The following STOM variants were observed in gnomAD, a reference collection of about 807,000 sequenced individuals.
STOM encodes stomatin.
In STOM, 25 loss-of-function variants were observed where a neutral mutation model predicts 30.6. The observed-to-expected ratio is 0.82, with a 90% CI of 0.60 to 1.14. The LOEUF is 1.14. Ranked by LOEUF, STOM falls within the 50% of genes most tolerant of loss-of-function variation. STOM has a pLI of 0.00. For missense variants in STOM, 292 were observed against 365.2 expected (o/e 0.80, Z 1.63); for synonymous variants, 118 against 130.8 (o/e 0.90, Z 0.67).
At chr9:121,341,586 A>T (rs932821818) in intron 6 of STOM, among the ~76,000 whole-genome samples, 178 bp from the exon 7 acceptor site, 1 of 152,234 alleles carries the variant, frequency 6.6e-6, no homozygotes, top group African/African-American at 2.4e-5. Context: ...TCTTTTTCTG[A>T]AACTGACTTG....
intron 1 of STOM, among the ~76,000 whole-genome samples, chr9:121,367,117 T>C (rs1194073116): frequency 1.3e-5 from 2 of 152,046 alleles, no homozygotes; most frequent in Non-Finnish European, 2.9e-5. Context: ...AGGGGACAGA[T>C]GAGTCAAACT....
chr9:121,353,776 A>G lies in STOM; in HGVS notation c.239-474T>C, dbSNP rs535313927. Among the ~76,000 whole-genome samples the G allele has an allele frequency of 3.3e-5, 5 of 152,170 alleles. No individual in the cohort carries two copies. The South Asian group carries it at 8.3e-4, about 25-fold the overall frequency. ...CTACTTGCAGTTTCTTGAATCTGCA[A>G]TACTCTCCTCTTTGTTGCTTTGTGT... On this transcript the variant is annotated intron_variant, in intron 3 of 6. Transcript: ENST00000286713.
intron 6 of STOM, among the ~76,000 whole-genome samples, chr9:121,342,908 T>C (rs1311724288): frequency 6.6e-6 from 1 of 152,174 alleles, no homozygotes; most frequent in Non-Finnish European, 1.5e-5. Context: ...CAAATGGACT[T>C]GAGTTCAAAT....
intron 5 of STOM, among the ~76,000 whole-genome samples, chr9:121,348,783 A>G (rs2064311925): frequency 6.6e-6 from 1 of 152,246 alleles, no homozygotes; most frequent in Admixed American, 6.5e-5. Context: ...CACAACAGTT[A>G]TAATTCATGG....
Position 121,339,664 on chromosome 9 carries a change from T to C in STOM, c.*1538A>G, listed in dbSNP as rs1451395102. ...AATGTTACAAATGTCACCCGCCAGCTTTCTGGCCAGTAAGCAGAATGCCAG... is the reference window on the plus strand; with the variant it reads ...AATGTTACAAATGTCACCCGCCAGCCTTCTGGCCAGTAAGCAGAATGCCAG... On this transcript the variant is annotated 3_prime_UTR_variant, in exon 7 of 7. Coordinates refer to ENST00000286713, the MANE Select transcript of STOM (RefSeq NM_004099.6). The C allele has an allele frequency of 8.1e-7, 1 of 1,231,496 alleles. No individual in the cohort carries two copies. Among genetic ancestry groups the C allele is most frequent in the East Asian group, 3.2e-5 (1 of 31,716 alleles). 76.3% of individuals were successfully genotyped at this position (1,231,496 alleles called of 1,614,324 possible).
At chr9:121,364,191 G>C (rs2134045460) in intron 1 of STOM, among the ~76,000 whole-genome samples, 1 of 152,292 alleles carries the variant, frequency 6.6e-6, no homozygotes, top group Non-Finnish European at 1.5e-5. Flanking sequence ...GTAGCGTCTC[G>C]ATAAACGTAT....
intron 1 of STOM, among the ~76,000 whole-genome samples, chr9:121,359,470 T>C (rs1283691022): frequency 6.6e-6 from 1 of 152,096 alleles, no homozygotes; most frequent in Non-Finnish European, 1.5e-5. Flanking sequence ...GACATATTCA[T>C]TGAGAGAATA....
rs1351641084 is a variant in STOM at position 121,348,126 on chromosome 9, A to T, written c.549T>A (p.Asp183Glu). 1 of 1,614,194 alleles carries T rather than the reference A, an allele frequency of 6.2e-7. No homozygotes were observed. Among genetic ancestry groups the T allele is most frequent in the East Asian group, 2.2e-5 (1 of 44,884 alleles). Reference sequence around the variant, plus strand: ...CACGCTCCACCTTTATTCCCCAGGCATCAGTGGCATCATCCAGAGTAGACT... The same window carrying T: ...CACGCTCCACCTTTATTCCCCAGGCTTCAGTGGCATCATCCAGAGTAGACT... ...NMQSTLDDAT[D>E]AWGIKVERVE... Residue 183 changes from aspartate (D) to glutamate (E), a missense_variant, in exon 6 of 7, where the codon GAT (aspartate) becomes GAA (glutamate). Coordinates refer to ENST00000286713, the MANE Select transcript of STOM (RefSeq NM_004099.6).
chr9:121,350,210 C>T (rs2064326877), intron 4 of STOM, among the ~76,000 whole-genome samples: 1 of 152,220 alleles, frequency 6.6e-6, no homozygotes, highest in African/African-American at 2.4e-5. Context: ...GTTTCAGCCA[C>T]TCAGGAGGCT....
chr9:121,366,886 G>A (rs1366875695), intron 1 of STOM, among the ~76,000 whole-genome samples: 1 of 151,202 alleles, frequency 6.6e-6, no homozygotes, highest in Non-Finnish European at 1.5e-5. Flanking sequence ...CCAGGAGTTC[G>A]AGACCAGCCT....
chr9:121,346,018 T>C (rs1454491274), intron 6 of STOM, among the ~76,000 whole-genome samples: 2 of 152,168 alleles, frequency 1.3e-5, no homozygotes, highest in East Asian at 3.8e-4. Flanking sequence ...TGAGAAGAAG[T>C]CTTGCTCTGT....
intron 5 of STOM, 113 bp from the exon 6 acceptor site, chr9:121,348,262 G>C (rs2134026125): frequency 6.9e-7 from 1 of 1,451,178 alleles, no homozygotes; most frequent in South Asian, 1.2e-5. Flanking sequence ...GTTGTGGAGA[G>C]ACAGTTACCC....
chr9:121,339,570 A>G lies in STOM; in HGVS notation c.*1632T>C. On this transcript the variant is annotated 3_prime_UTR_variant, in exon 7 of 7. Coordinates refer to ENST00000286713, the MANE Select transcript of STOM (RefSeq NM_004099.6). Reference sequence around the variant, plus strand: ...GTGGTTGAGCTAAAGAGAGCTATAAAGGCTCGTGCTGGGAAAGAAAGCTGT... The same window carrying G: ...GTGGTTGAGCTAAAGAGAGCTATAAGGGCTCGTGCTGGGAAAGAAAGCTGT... The G allele has an allele frequency of 8.1e-7, 1 of 1,231,260 alleles. No homozygotes were observed. The highest frequency in any genetic ancestry group is 1.0e-6 in the Non-Finnish European group (1 of 987,722). 76.3% of individuals were successfully genotyped at this position (1,231,260 alleles called of 1,614,324 possible).
intron 2 of STOM, 56 bp from the exon 3 acceptor site, chr9:121,354,729 A>T: frequency 7.6e-7 from 1 of 1,308,270 alleles, no homozygotes; most frequent in Non-Finnish European, 1.1e-6. Flanking sequence ...ATATACATGC[A>T]TGGCTTCTTA....
rs572358301 is a variant in STOM, at chr9:121,359,365, T to C, written c.62-3209A>G. ...ATGTGACTTGGTAGTTTTCTGATCCTGTGTTATAGTGTGAGGTAAATGTCT... is the reference window on the plus strand; with the variant it reads ...ATGTGACTTGGTAGTTTTCTGATCCCGTGTTATAGTGTGAGGTAAATGTCT... On this transcript the variant is annotated intron_variant, in intron 1 of 6. Transcript: ENST00000286713. 9.8e-5 allele frequency among the ~76,000 whole-genome samples: 15 copies of C among 152,350 alleles called. No individual in the cohort carries two copies. The South Asian group carries it at 2.7e-3, about 27-fold the overall frequency.
At position 121,353,282 on chromosome 9, in the gene STOM, A is replaced by G. The variant is rs2064355724; in HGVS notation, c.259T>C (p.Cys87Arg). ...KGPGLFFILPCTDSFIKVDMR... is the reference protein window; with the variant it reads ...KGPGLFFILPRTDSFIKVDMR... ...TCCACTTTGATGAAGCTGTCAGTGC[A>G]TGGCAGAATAAAAAACAAACCTGCA... The change falls in exon 4 of 7, where the codon TGC becomes CGC. Residue 87 changes from cysteine to arginine, a missense_variant. Coordinates refer to ENST00000286713, the MANE Select transcript of STOM (RefSeq NM_004099.6). 2 of 1,610,684 alleles carry G rather than the reference A, an allele frequency of 1.2e-6. No individual in the cohort carries two copies. The highest frequency in any genetic ancestry group is 4.5e-5 in the East Asian group (2 of 44,646).
intron 6 of STOM, among the ~76,000 whole-genome samples, chr9:121,344,131 A>G (rs1233894244): frequency 6.6e-6 from 1 of 152,216 alleles, no homozygotes; most frequent in Non-Finnish European, 1.5e-5. Context: ...ACTCACTGAG[A>G]GAAAGGATCC....
Position 121,341,217 on chromosome 9 carries a change from G to A in STOM, c.852C>T (p.His284=). 6.2e-7 allele frequency: 1 copy of A among 1,614,168 alleles called. No individual in the cohort carries two copies. Among genetic ancestry groups the A allele is most frequent in the South Asian group, 1.1e-5 (1 of 91,082 alleles). The change falls in exon 7 of 7, where the codon CAC becomes CAT. Residue 284 remains histidine, a synonymous_variant. Transcript: ENST00000286713. The stretch of plus-strand genomic sequence containing the variant: ...CATCTCTACACTAGCCTAGATGGCT[G>A]TGTTTTGCCCCTATGATTCCTTGCA... ...DMLQGIIGAK[H]SHLG
rs140550145 is a variant in STOM at position 121,343,686 on chromosome 9, C to G, written c.661-2278G>C. ...AAAATGGTATATTCCAGAAAACTGT[C>G]AATGGCTGAATACTATGGCAGGAAG... On this transcript the variant is annotated intron_variant, in intron 6 of 6. Coordinates refer to ENST00000286713, the MANE Select transcript of STOM (RefSeq NM_004099.6). Among the ~76,000 whole-genome samples the G allele has an allele frequency of 4.0e-3, 606 of 152,178 alleles. 4 individuals carry two copies. Among genetic ancestry groups the G allele is most frequent in the African/African-American group, 0.014 (570 of 41,494 alleles).
Sources: gnomAD v4.1 joint callset for allele counts (sites outside exome capture counted in the v4.1 genomes callset) on GRCh38, gnomAD v4.1.1 for gene constraint, MANE v1.5 for transcripts, NCBI Gene and HGNC (gene_info 2026-07-23, HGNC 2026-07-21) for gene names.